Variants in STAMBPL1 observed in about 807,000 individuals in gnomAD.
The protein encoded by STAMBPL1 is STAM binding protein like 1.
A neutral mutation model predicts 52.9 loss-of-function variants in STAMBPL1; 44 were observed. That is an observed-to-expected ratio of 0.83 (90% CI 0.65 to 1.07). STAMBPL1 has a LOEUF of 1.07. STAMBPL1 is among the 50% of genes least tolerant of loss of function. The pLI is 0.00. For missense variants in STAMBPL1, 511 were observed against 520.8 expected, an observed-to-expected ratio of 0.98 and a Z score of 0.18; for synonymous variants, 164 against 177.3, an observed-to-expected ratio of 0.92 and a Z score of 0.60.
At chr10:88,922,647 T>A (rs1374642006) in intron 10 of STAMBPL1, among the ~76,000 whole-genome samples, 1 of 152,224 alleles carries the variant, frequency 6.6e-6, no homozygotes, top group Non-Finnish European at 1.5e-5. Context: ...AGTATTTCTG[T>A]AGCAGAATTA....
Position 88,913,230 on chromosome 10 carries a change from C to T in STAMBPL1, c.550C>T (p.Leu184Phe), listed in dbSNP as rs750952368. 6 of 1,613,864 alleles carry T rather than the reference C, an allele frequency of 3.7e-6. No homozygotes were observed. The highest frequency in any genetic ancestry group is 5.1e-6 in the Non-Finnish European group (6 of 1,179,840). Residue 184 changes from leucine to phenylalanine, a missense_variant, in exon 6 of 11, where the codon CTC (leucine) becomes TTC (phenylalanine). Physicochemically the swap from Leu to Phe is conservative, Grantham distance 22. Around this residue, in one of 3 missense-constraint regions of STAMBPL1, gnomAD observed 358 missense variants for 343.5 expected, o/e 1.04. Transcript: ENST00000371926. ...GCAGTTTCTGTTTTTCGAAGATCAA[C>T]TCAAGAAGCAAGAGTTAGCCCGAGG... is the stretch of plus-strand genomic sequence containing the variant. ...SEQFLFFEDQ[L>F]KKQELARGQM... is the part of the protein sequence containing the mutation.
rs1484580946 is a variant in STAMBPL1, at chr10:88,908,888, A to T, written c.324+111A>T. The T allele has an allele frequency of 9.5e-6, 8 of 838,740 alleles. No homozygotes were observed. The African/African-American group carries it at 1.2e-4, about 13-fold the overall frequency. The allele number at this position is 838,740 out of a possible 1,614,324, so 52.0% of individuals were successfully genotyped here. The stretch of plus-strand genomic sequence containing the variant: ...TCTTTCTCTTGAGAGTTTGAGCGCA[A>T]GAAATTCATTCCATTAACTATGATG... On this transcript the variant is annotated intron_variant, in intron 4 of 10. Coordinates refer to ENST00000371926, the MANE Select transcript of STAMBPL1 (RefSeq NM_020799.4).
At chr10:88,916,208 T>A (rs1405059519) in intron 7 of STAMBPL1, among the ~76,000 whole-genome samples, 1 of 152,044 alleles carries the variant, frequency 6.6e-6, no homozygotes, top group African/African-American at 2.4e-5. Context: ...TAAATATAAT[T>A]AGTAAAACAG....
chr10:88,920,456 C>T (rs1040552228), intron 8 of STAMBPL1, among the ~76,000 whole-genome samples: 1 of 152,170 alleles, frequency 6.6e-6, no homozygotes, highest in Admixed American at 6.5e-5. Context: ...GTAATGGAGT[C>T]AGGACCTAGA....
In STAMBPL1 at chr10:88,910,906, T is replaced by TA. The variant is rs1845205603; in HGVS notation, c.325-10_325-9insA. 2 of 1,563,418 alleles carry TA rather than the reference T, an allele frequency of 1.3e-6. No individual in the cohort carries two copies. The highest frequency in any genetic ancestry group is 2.0e-5 in the Admixed American group (1 of 50,126). On this transcript the variant is annotated splice_polypyrimidine_tract_variant and intron_variant, in intron 4 of 10. Transcript: ENST00000371926. ...TCCCACTAATCAATATGTATATATATTTTTAAAAGAAACTGAAGGAGATTG... is the reference window on the plus strand; with the variant it reads ...TCCCACTAATCAATATGTATATATATATTTTAAAAGAAACTGAAGGAGATTG...
chr10:88,891,438 G>A (rs1363667078), intron 1 of STAMBPL1, among the ~76,000 whole-genome samples: 1 of 152,058 alleles, frequency 6.6e-6, no homozygotes, highest in Admixed American at 6.5e-5. Flanking sequence ...CACAATAATT[G>A]TCTCAGGGAA....
intron 1 of STAMBPL1, among the ~76,000 whole-genome samples, 196 bp downstream of exon 1, chr10:88,880,834 C>T (rs929931293): frequency 2.6e-5 from 4 of 152,214 alleles, no homozygotes; most frequent in Non-Finnish European, 4.4e-5. Flanking sequence ...CAATCGGCCG[C>T]CTCCATCGGC....
intron 1 of STAMBPL1, among the ~76,000 whole-genome samples, chr10:88,894,549 A>G (rs1589357300): frequency 6.6e-6 from 1 of 152,324 alleles, no homozygotes; most frequent in East Asian, 1.9e-4. Context: ...CTCACAGAAG[A>G]TCTCTCCTGA....
Position 88,913,098 on chromosome 10 carries a change from T to C in STAMBPL1, c.421-3T>C, listed in dbSNP as rs937369827. 1 of 1,573,952 alleles carries C rather than the reference T, an allele frequency of 6.4e-7. No homozygotes were observed. Among genetic ancestry groups the C allele is most frequent in the Non-Finnish European group, 8.6e-7 (1 of 1,161,510 alleles). ...CTTCTCTTCTGGCTGCCACACTTTT[T>C]AGAACAAATATAAAGCTGAAATTCT... On this transcript the variant is annotated splice_region_variant and splice_polypyrimidine_tract_variant and intron_variant, in intron 5 of 10. Transcript: ENST00000371926.
chr10:88,899,887 C>G (rs1844902320), intron 1 of STAMBPL1, among the ~76,000 whole-genome samples: 1 of 152,200 alleles, frequency 6.6e-6, no homozygotes, highest in African/African-American at 2.4e-5. Flanking sequence ...GCTTCACATT[C>G]CCCATAAGCC....
At chr10:88,921,149 CA>C in intron 8 of STAMBPL1, 133 bp from the exon 9 acceptor site, 2 of 646,690 alleles carry the variant, frequency 3.1e-6, no homozygotes, top group Non-Finnish European at 5.1e-6. Context: ...ATTATGTCAG[CA>C]AAACCTTTTT....
chr10:88,905,106 G>A (rs1194544904), intron 2 of STAMBPL1, among the ~76,000 whole-genome samples: 1 of 152,094 alleles, frequency 6.6e-6, no homozygotes, highest in East Asian at 1.9e-4. Flanking sequence ...GATGATCCCA[G>A]ATAGAAGCAT....
At chr10:88,886,822 A>G (rs1589348010) in intron 1 of STAMBPL1, among the ~76,000 whole-genome samples, 1 of 152,176 alleles carries the variant, frequency 6.6e-6, no homozygotes, top group East Asian at 1.9e-4. Flanking sequence ...CTTGCCTGCT[A>G]GTGCACTAAT....
intron 8 of STAMBPL1, among the ~76,000 whole-genome samples, chr10:88,920,176 T>C (rs1845474211): frequency 6.6e-6 from 1 of 152,188 alleles, no homozygotes; most frequent in Non-Finnish European, 1.5e-5. Flanking sequence ...AATCTTACAT[T>C]TCTTTAATAG....
chr10:88,901,535 G>A, intron 1 of STAMBPL1, 121 bp from the exon 2 acceptor site: 1 of 538,198 alleles, frequency 1.9e-6, no homozygotes, highest in Non-Finnish European at 3.3e-6. Flanking sequence ...TAAACACTCA[G>A]GTTATATAGG....
At chr10:88,913,052 T>G in intron 5 of STAMBPL1, 49 bp from the exon 6 acceptor site, 1 of 1,464,058 alleles carries the variant, frequency 6.8e-7, no homozygotes, top group Non-Finnish European at 9.2e-7. Flanking sequence ...TCCAGTTCAA[T>G]GTTTCTCCTT....
Position 88,905,659 on chromosome 10 carries a change from A to G in STAMBPL1, c.247A>G (p.Thr83Ala). The G allele has an allele frequency of 6.2e-7, 1 of 1,612,394 alleles. No homozygotes were observed. The highest frequency in any genetic ancestry group is 1.1e-5 in the South Asian group (1 of 90,976). The stretch of plus-strand genomic sequence containing the variant: ...CTTTGTTCTTTATAATAAATTTATA[A>G]CGTAAGTGTTTTAAAGGCCTCTGAA... The part of the protein sequence containing the change: ...NAFVLYNKFI[T>A]LFVEKLPNHR... Residue 83 changes from threonine to alanine, a missense_variant and splice_region_variant, in exon 3 of 11, where the codon ACC becomes GCC. Around this residue, in one of 3 missense-constraint regions of STAMBPL1, gnomAD observed 358 missense variants for 343.5 expected, o/e 1.04. Coordinates refer to ENST00000371926, the MANE Select transcript of STAMBPL1 (RefSeq NM_020799.4).
intron 1 of STAMBPL1, among the ~76,000 whole-genome samples, chr10:88,881,087 A>G (rs1844393652): frequency 1.3e-5 from 2 of 151,922 alleles, no homozygotes; most frequent in Admixed American, 1.3e-4. Context: ...AGAAAAACGG[A>G]CCTTTACCCC....
At chr10:88,905,400 C>G (rs1379122040) in intron 2 of STAMBPL1, 43 bp from the exon 3 acceptor site, 1 of 1,476,428 alleles carries the variant, frequency 6.8e-7, no homozygotes, top group African/African-American at 1.4e-5. Context: ...CCTTTTCTTA[C>G]TATAATCAAC....
Sources: allele counts gnomAD v4.1 joint callset (sites outside exome capture counted in the v4.1 genomes callset), GRCh38; gene constraint gnomAD v4.1.1; regional missense constraint gnomAD v4.1.1; transcripts MANE v1.5; gene names NCBI Gene and HGNC (gene_info 2026-07-23, HGNC 2026-07-21).